Variants in C19orf18 observed in about 807,000 individuals in gnomAD.
C19orf18 encodes the protein uncharacterized protein C19orf18.
Under a neutral mutation model 23.3 loss-of-function variants are expected in C19orf18, and 21 were observed. The ratio of observed to expected loss-of-function variants is 0.90; its 90% confidence interval spans 0.64 to 1.30. The LOEUF (loss-of-function observed/expected upper bound fraction) is 1.30. C19orf18 is among the 50% of genes most tolerant of loss of function. The pLI, the probability that C19orf18 is intolerant of heterozygous loss-of-function variation, is 0.00. For missense variants in C19orf18, 249 were observed against 259.6 expected (o/e 0.96, Z 0.28); for synonymous variants, 96 against 95.2 (o/e 1.01, Z -0.05).
chr19:57,958,704 T>A lies in C19orf18; in HGVS notation c.546A>T (p.Lys182Asn), dbSNP rs1421485852. 1 of 1,541,680 alleles carries A rather than the reference T, an allele frequency of 6.5e-7. No individual in the cohort carries two copies. Residue 182 changes from lysine (K) to asparagine (N), a missense_variant, in exon 6 of 6, where the codon AAA becomes AAT. Physicochemically the swap from Lys to Asn is moderately conservative, Grantham distance 94 (BLOSUM62 0). Coordinates refer to ENST00000314391, the MANE Select transcript of C19orf18 (RefSeq NM_152474.5). ...EKFIHSVIIS[K>N]RSKNIKKKLK... ...GTTTCTTCTTAATATTTTTGCTTCTTTTTGATATAATAACTAAAATGTAGA... is the reference window on the plus strand; with the variant it reads ...GTTTCTTCTTAATATTTTTGCTTCTATTTGATATAATAACTAAAATGTAGA...
chr19:57,960,616 G>A (rs144433464), intron 5 of C19orf18, among the ~76,000 whole-genome samples: 8 of 152,220 alleles, frequency 5.3e-5, no homozygotes, highest in Non-Finnish European at 1.0e-4. Flanking sequence ...GATGGTGCAG[G>A]TGAAACATCT....
intron 2 of C19orf18, 101 bp downstream of exon 2, chr19:57,973,998 G>A (rs2072965260): frequency 2.6e-6 from 3 of 1,141,608 alleles, no homozygotes; most frequent in Middle Eastern, 2.0e-4. Context: ...CTATTTTATG[G>A]ACCTTTCTAC....
chr19:57,968,884 C>G (rs1363885642), intron 3 of C19orf18, among the ~76,000 whole-genome samples: 1 of 152,162 alleles, frequency 6.6e-6, no homozygotes, highest in African/African-American at 2.4e-5. Context: ...CACACCCCAA[C>G]CATCTCCTTT....
chr19:57,970,961 C>T (rs555490630), intron 3 of C19orf18, among the ~76,000 whole-genome samples: 2 of 152,264 alleles, frequency 1.3e-5, no homozygotes, highest in East Asian at 3.9e-4. Context: ...GACCTTCTAG[C>T]ACCAGCACAC....
intron 5 of C19orf18, 54 bp from the exon 6 acceptor site, chr19:57,958,771 G>C: frequency 9.9e-7 from 1 of 1,006,556 alleles, no homozygotes; most frequent in Non-Finnish European, 1.4e-6. Context: ...AATAAAAATG[G>C]AGACAAAAGG....
At chr19:57,968,908 A>T (rs893581131) in intron 3 of C19orf18, among the ~76,000 whole-genome samples, 3 of 152,048 alleles carry the variant, frequency 2.0e-5, no homozygotes, top group Non-Finnish European at 2.9e-5. Context: ...AACTCACACA[A>T]TAAGCCAATC....
rs367650205 is a variant in C19orf18 at position 57,972,503 on chromosome 19, A to C, written c.228T>G (p.Ala76=). The change falls in exon 3 of 6, where the codon GCT becomes GCG. Residue 76 remains alanine, a splice_region_variant and synonymous_variant. Coordinates refer to ENST00000314391, the MANE Select transcript of C19orf18 (RefSeq NM_152474.5). ...GIQGAASRST[A]ASPTNPMKFL... ...ATTTCATGGGGTTCGTAGGGGATGC[A>C]GCTAAAAGGCCATCAAAGGGGATCA... The C allele has an allele frequency of 2.1e-5, 34 of 1,614,030 alleles. No homozygotes were observed. Among genetic ancestry groups the C allele is most frequent in the Middle Eastern group, 1.6e-4 (1 of 6,084 alleles).
At chr19:57,973,466 C>T (rs1172130397) in intron 2 of C19orf18, among the ~76,000 whole-genome samples, 2 of 152,142 alleles carry the variant, frequency 1.3e-5, no homozygotes, top group East Asian at 3.9e-4. Flanking sequence ...TGGCTCATGC[C>T]TGTAATCCCA....
intron 3 of C19orf18, among the ~76,000 whole-genome samples, chr19:57,971,263 C>A (rs1456395193): frequency 1.3e-5 from 2 of 152,160 alleles, no homozygotes; most frequent in South Asian, 4.2e-4. Flanking sequence ...TGCAAGTGCA[C>A]CTTTCATGTG....
chr19:57,961,280 A>G, intron 5 of C19orf18, 111 bp downstream of exon 5: 1 of 1,126,368 alleles, frequency 8.9e-7, no homozygotes, highest in East Asian at 2.4e-5. Context: ...GAAAGAAAGG[A>G]AAGAAAGAAA....
chr19:57,961,108 G>A (rs1444885110), intron 5 of C19orf18, among the ~76,000 whole-genome samples: 3 of 152,052 alleles, frequency 2.0e-5, no homozygotes, highest in South Asian at 2.1e-4. Context: ...GGTGGCGGGC[G>A]CCTGTACTCC....
chr19:57,970,660 AACCTCAGCCTCCCGGGTTCTCCT>A (rs1339253396), intron 3 of C19orf18, among the ~76,000 whole-genome samples: 1 of 151,350 alleles, frequency 6.6e-6, no homozygotes, highest in Non-Finnish European at 1.5e-5. Flanking sequence ...TGCTCACTTC[AACCTCAGCCTCCCGGGTTCTCCT>A]ACCTCAGCCT....
chr19:57,973,743 A>G (rs1454712513), intron 2 of C19orf18, among the ~76,000 whole-genome samples: 1 of 151,930 alleles, frequency 6.6e-6, no homozygotes, highest in Non-Finnish European at 1.5e-5. Flanking sequence ...AAAAAAGAAA[A>G]AAAAGAATTC....
intron 4 of C19orf18, among the ~76,000 whole-genome samples, chr19:57,966,275 C>T (rs1464122210): frequency 6.6e-6 from 1 of 152,074 alleles, no homozygotes; most frequent in African/African-American, 2.4e-5. Context: ...CCATGCCCGG[C>T]GTAATATTTT....
chr19:57,963,884 C>T lies in C19orf18; in HGVS notation c.372-2333G>A, dbSNP rs546896451. Among the ~76,000 whole-genome samples the T allele has an allele frequency of 7.2e-5, 11 of 151,816 alleles. No homozygotes were observed. In the East Asian group the frequency reaches 7.7e-4, roughly 11 times the overall value. On this transcript the variant is annotated intron_variant, in intron 4 of 5. Transcript: ENST00000314391. ...CAGCCTGGGCAACAGAGCAAGACTCCGTCTCTAAAAAAATAAAAATAAAAA... is the reference window on the plus strand; with the variant it reads ...CAGCCTGGGCAACAGAGCAAGACTCTGTCTCTAAAAAAATAAAAATAAAAA...
chr19:57,969,578 A>AAAAAAAAAAAAAAAAAAAAC (rs2072931162), intron 3 of C19orf18, among the ~76,000 whole-genome samples: 4 of 126,036 alleles, frequency 3.2e-5, no homozygotes, highest in Non-Finnish European at 3.8e-5. Flanking sequence ...AAAAAAAAAA[A>AAAAAAAAAAAAAAAAAAAAC]AAAAAAAAAA....
chr19:57,971,068 G>A (rs900261159), intron 3 of C19orf18, among the ~76,000 whole-genome samples: 2 of 152,154 alleles, frequency 1.3e-5, no homozygotes, highest in African/African-American at 4.8e-5. Context: ...GTGTCAATGG[G>A]CAGGTGAAAC....
At chr19:57,964,768 T>A (rs1453812587) in intron 4 of C19orf18, among the ~76,000 whole-genome samples, 1 of 152,204 alleles carries the variant, frequency 6.6e-6, no homozygotes, top group Non-Finnish European at 1.5e-5. Context: ...TATCTTGTTT[T>A]CACACTTAAT....
intron 4 of C19orf18, among the ~76,000 whole-genome samples, chr19:57,965,763 A>T (rs1047222784): frequency 5.9e-5 from 9 of 152,062 alleles, no homozygotes; most frequent in Admixed American, 5.2e-4. Flanking sequence ...CCCTCCAAAA[A>T]AAGTAGAAAA....
Sources: gnomAD v4.1 joint callset for allele counts (sites outside exome capture counted in the v4.1 genomes callset) on GRCh38, gnomAD v4.1.1 for gene constraint, MANE v1.5 for transcripts, NCBI Gene and HGNC (gene_info 2026-07-23, HGNC 2026-07-21) for gene names.